Variants in CSMD1 observed in about 807,000 individuals in gnomAD.
CSMD1 encodes CUB and Sushi multiple domains 1, also known as CUB and sushi domain-containing protein 1.
CSMD1 carries 213 observed loss-of-function variants against 417.5 expected under a neutral mutation model. That is an observed-to-expected ratio of 0.51 (90% confidence interval 0.46 to 0.57). CSMD1 has a LOEUF of 0.57. CSMD1 is among the 20% of genes least tolerant of loss of function. The pLI is 0.00. For missense variants in CSMD1, 6,923 were observed against 4,529.7 expected, an observed-to-expected ratio of 1.53 and a Z score of -15.17; for synonymous variants, 2,862 against 1,736.8, an observed-to-expected ratio of 1.65 and a Z score of -16.11.
intron 7 of CSMD1, among the ~76,000 whole-genome samples, chr8:3,685,052 T>C (rs1159503547): frequency 2.6e-5 from 4 of 152,240 alleles, no homozygotes; most frequent in East Asian, 3.9e-4. Flanking sequence ...AGCCCAGTTT[T>C]TGAAATAAAA....
intron 5 of CSMD1, among the ~76,000 whole-genome samples, chr8:3,913,926 CAAAT>C (rs1156278973): frequency 2.6e-5 from 4 of 151,764 alleles, no homozygotes; most frequent in African/African-American, 4.8e-5. Context: ...GTTTTGGACT[CAAAT>C]AAATTAACGA....
At chr8:3,963,149 C>A (rs567480851) in intron 5 of CSMD1, among the ~76,000 whole-genome samples, 1 of 152,150 alleles carries the variant, frequency 6.6e-6, no homozygotes. Flanking sequence ...CTAGGCTTGA[C>A]TCAAACTCCT....
intron 3 of CSMD1, among the ~76,000 whole-genome samples, chr8:4,114,378 C>A (rs933836070): frequency 2.6e-5 from 4 of 152,186 alleles, no homozygotes; most frequent in Non-Finnish European, 5.9e-5. Flanking sequence ...TTGAGACCTA[C>A]TGCTAGGAAA....
chr8:3,731,709 G>C (rs1021625276), intron 6 of CSMD1, among the ~76,000 whole-genome samples: 2 of 152,156 alleles, frequency 1.3e-5, no homozygotes, highest in Admixed American at 1.3e-4. Flanking sequence ...ATGGGTCAGA[G>C]GCTTAGAGCA....
intron 2 of CSMD1, among the ~76,000 whole-genome samples, chr8:4,468,132 C>A (rs1310671968): frequency 6.6e-6 from 1 of 152,102 alleles, no homozygotes; most frequent in African/African-American, 2.4e-5. Context: ...AACTTTTTGA[C>A]TAAAAAAAGC....
chr8:3,223,951 T>G, intron 27 of CSMD1, 84 bp from the exon 28 acceptor site: 1 of 1,369,384 alleles, frequency 7.3e-7, no homozygotes, highest in East Asian at 2.4e-5. Flanking sequence ...CACCACAGAA[T>G]TCTTTAAGAA....
At chr8:4,973,578 C>A (rs1810369050) in intron 1 of CSMD1, among the ~76,000 whole-genome samples, 1 of 152,302 alleles carries the variant, frequency 6.6e-6, no homozygotes, top group South Asian at 2.1e-4. Flanking sequence ...TCTCTGCAAT[C>A]AAACATAAAA....
chr8:4,728,278 G>A (rs1009014079), intron 1 of CSMD1, among the ~76,000 whole-genome samples: 3 of 151,046 alleles, frequency 2.0e-5, no homozygotes, highest in East Asian at 1.9e-4. Flanking sequence ...GATTTGGGTT[G>A]AAATAAAATT....
chr8:4,177,158 A>G (rs1209233041), intron 3 of CSMD1, among the ~76,000 whole-genome samples: 2 of 152,200 alleles, frequency 1.3e-5, no homozygotes, highest in Non-Finnish European at 2.9e-5. Context: ...CACCTATTCC[A>G]AAATTGACCA....
At chr8:3,273,837 GC>G (rs1802064019) in intron 26 of CSMD1, among the ~76,000 whole-genome samples, 2 of 151,950 alleles carry the variant, frequency 1.3e-5, no homozygotes, top group South Asian at 4.2e-4. Context: ...TCTTAGTCTT[GC>G]TAGTGGTCTA....
chr8:4,003,175 C>T (rs948430414), intron 4 of CSMD1, among the ~76,000 whole-genome samples: 4 of 152,014 alleles, frequency 2.6e-5, no homozygotes, highest in Admixed American at 6.6e-5. Context: ...GGGTGGATCA[C>T]GAGGTCAGGA....
chr8:3,806,549 C>G (rs183465727), intron 5 of CSMD1, among the ~76,000 whole-genome samples: 1 of 152,148 alleles, frequency 6.6e-6, no homozygotes, highest in African/African-American at 2.4e-5. Context: ...ACTACCTACA[C>G]GCACACTTAT....
intron 7 of CSMD1, among the ~76,000 whole-genome samples, chr8:3,649,865 C>G (rs962051351): frequency 4.6e-5 from 7 of 152,176 alleles, no homozygotes; most frequent in Admixed American, 3.9e-4. Flanking sequence ...CAATGTTTAA[C>G]CTATGTACAC....
chr8:4,660,125 A>AC (rs1450444620), intron 1 of CSMD1, among the ~76,000 whole-genome samples: 1 of 151,592 alleles, frequency 6.6e-6, no homozygotes, highest in African/African-American at 2.4e-5. Context: ...AAAAAAAAAA[A>AC]AAAAGGAACG....
chr8:4,220,335 G>C (rs761240622), intron 3 of CSMD1, among the ~76,000 whole-genome samples: 1 of 152,198 alleles, frequency 6.6e-6, no homozygotes, highest in Non-Finnish European at 1.5e-5. Flanking sequence ...AAGGAGGTTA[G>C]CATGTACAAC....
intron 5 of CSMD1, among the ~76,000 whole-genome samples, chr8:3,763,288 G>C (rs1294966530): frequency 6.6e-6 from 1 of 152,144 alleles, no homozygotes; most frequent in Non-Finnish European, 1.5e-5. Flanking sequence ...CAAATCTCAT[G>C]TTGACATATG....
chr8:3,144,294 C>A (rs1818696094), intron 40 of CSMD1, among the ~76,000 whole-genome samples: 2 of 151,974 alleles, frequency 1.3e-5, no homozygotes, highest in African/African-American at 4.8e-5. Flanking sequence ...ATAGACTAGA[C>A]AAGAGCTGAC....
chr8:3,167,294 A>AAG (rs1399211435), intron 37 of CSMD1, among the ~76,000 whole-genome samples: 26 of 144,222 alleles, frequency 1.8e-4, no homozygotes, highest in African/African-American at 6.7e-4. Context: ...GGAAAAAGAA[A>AAG]AAAAAAAAAA....
chr8:3,611,315 G>C (rs375564547), intron 8 of CSMD1, among the ~76,000 whole-genome samples: 1 of 152,016 alleles, frequency 6.6e-6, no homozygotes, highest in East Asian at 1.9e-4. Flanking sequence ...CATAACACTT[G>C]AATACGTAAT....
Sources: gnomAD v4.1 joint callset for allele counts (sites outside exome capture counted in the v4.1 genomes callset) on GRCh38, gnomAD v4.1.1 for gene constraint, MANE v1.5 for transcripts, NCBI Gene and HGNC (gene_info 2026-07-23, HGNC 2026-07-21) for gene names.